NCKAP5: variants seen among roughly 807,000 people sequenced by gnomAD.
NCKAP5 encodes the protein NCK associated protein 5, also known as nck-associated protein 5.
Under a neutral mutation model 167.0 loss-of-function variants are expected in NCKAP5, and 92 were observed. The ratio of observed to expected loss-of-function variants is 0.55; its 90% CI spans 0.47 to 0.66. The LOEUF is 0.66. NCKAP5 is among the 30% of genes least tolerant of loss of function. The pLI is 0.00. For missense variants in NCKAP5, 2,378 were observed against 2,315.0 expected, an observed-to-expected ratio of 1.03 and a Z score of -0.56; for synonymous variants, 891 against 877.4, an observed-to-expected ratio of 1.02 and a Z score of -0.27.
chr2:132,732,818 C>T (rs528859048), intron 16 of NCKAP5, among the ~76,000 whole-genome samples: 67 of 152,310 alleles, frequency 4.4e-4, no homozygotes, highest in African/African-American at 1.6e-3. Context: ...AATCTCTGGC[C>T]TCTTAATTTG....
Position 133,244,119 on chromosome 2 carries a change from T to C in NCKAP5, c.144-30340A>G, listed in dbSNP as rs957623166. Among the ~76,000 whole-genome samples the C allele has an allele frequency of 3.3e-5, 5 of 152,334 alleles. No homozygotes were observed. The East Asian group carries it at 9.6e-4, about 29-fold the overall frequency. ...AGAGATCTATTTCTAGATTTATTCATTGTTTAATTTTTTGAGATTTGTCAT... is the reference window on the plus strand; with the variant it reads ...AGAGATCTATTTCTAGATTTATTCACTGTTTAATTTTTTGAGATTTGTCAT... On this transcript the variant is annotated intron_variant, in intron 4 of 19. Transcript: ENST00000409261.
chr2:133,509,061 C>T (rs1404665103), intron 3 of NCKAP5, among the ~76,000 whole-genome samples: 2 of 152,138 alleles, frequency 1.3e-5, no homozygotes. Flanking sequence ...ACAGGTGTCA[C>T]CCGAGCTCCT....
chr2:133,043,322 T>G (rs2079276898), intron 6 of NCKAP5, among the ~76,000 whole-genome samples: 1 of 152,178 alleles, frequency 6.6e-6, no homozygotes, highest in Non-Finnish European at 1.5e-5. Flanking sequence ...TAATAAATTA[T>G]GCATAGGGTC....
intron 6 of NCKAP5, among the ~76,000 whole-genome samples, chr2:133,023,160 T>C (rs1243939291): frequency 2.6e-5 from 4 of 152,122 alleles, no homozygotes; most frequent in Admixed American, 2.6e-4. Context: ...ACAATCAATG[T>C]GTGTTTTGTT....
chr2:133,287,705 C>G (rs1679252838), intron 4 of NCKAP5, among the ~76,000 whole-genome samples: 1 of 152,082 alleles, frequency 6.6e-6, no homozygotes, highest in Non-Finnish European at 1.5e-5. Flanking sequence ...ATTATGTATA[C>G]TTATATGAAA....
At chr2:133,608,033 T>C in the NCKAP5 span, among the ~76,000 whole-genome samples, 1 of 152,264 alleles carries the variant, frequency 6.6e-6, no homozygotes, top group Non-Finnish European at 1.5e-5. Flanking sequence ...GGGAAACTTT[T>C]TTTAAAAACC....
chr2:133,584,672 G>T, the NCKAP5 span, among the ~76,000 whole-genome samples: 1 of 152,250 alleles, frequency 6.6e-6, no homozygotes, highest in South Asian at 2.1e-4. Context: ...GCTGAGGCAG[G>T]AGAATTGCTT....
intron 12 of NCKAP5, among the ~76,000 whole-genome samples, chr2:132,790,634 G>A (rs1683990856): frequency 6.6e-6 from 1 of 152,158 alleles, no homozygotes. Context: ...TTGTCTGTAT[G>A]GTATGGTATG....
At chr2:132,805,778 T>A (rs1444459092) in intron 11 of NCKAP5, among the ~76,000 whole-genome samples, 1 of 152,126 alleles carries the variant, frequency 6.6e-6, no homozygotes, top group Non-Finnish European at 1.5e-5. Flanking sequence ...TATTTTATTT[T>A]ATTTTTATTT....
the NCKAP5 span, among the ~76,000 whole-genome samples, chr2:133,663,070 T>C: frequency 1.3e-5 from 2 of 151,956 alleles, no homozygotes; most frequent in African/African-American, 4.8e-5. Context: ...ATCGAGACCA[T>C]CCTGGCTAAC....
chr2:132,854,099 A>G (rs564909702), intron 11 of NCKAP5, among the ~76,000 whole-genome samples: 2 of 152,342 alleles, frequency 1.3e-5, no homozygotes, highest in South Asian at 4.1e-4. Context: ...GAGGATTCAA[A>G]GGTCAAAACA....
rs2149484411 is a variant in NCKAP5 at position 133,050,778 on chromosome 2, T to A, written c.342-56539A>T. 1.3e-5 allele frequency among the ~76,000 whole-genome samples: 2 copies of A among 152,326 alleles called. 1 individual carries two copies. The highest frequency in any genetic ancestry group is 2.9e-5 in the Non-Finnish European group (2 of 68,016). ...AGTTTTGTAAAATGTTGACTAACTA[T>A]TTGAGTGATGAACTGAATAAAAGGT... On this transcript the variant is annotated intron_variant, in intron 6 of 19. Coordinates refer to ENST00000409261, the MANE Select transcript of NCKAP5 (RefSeq NM_207363.3).
intron 11 of NCKAP5, among the ~76,000 whole-genome samples, chr2:132,840,901 T>C (rs753637944): frequency 3.9e-5 from 6 of 152,190 alleles, no homozygotes; most frequent in Non-Finnish European, 7.4e-5. Context: ...TGTATATTTA[T>C]TGAAAAAAAA....
rs73958665 is a variant in NCKAP5 at position 133,171,150 on chromosome 2, T to C, written c.208-41039A>G. Among the ~76,000 whole-genome samples, 186 of 152,332 alleles carry C rather than the reference T, an allele frequency of 1.2e-3. 1 individual carries two copies. The highest frequency in any genetic ancestry group is 3.9e-3 in the African/African-American group (164 of 41,578). ...GGAGCATTTTGAGGCAGGGTGCTTT[T>C]GAAGGCATCTCAAGTTATAATAAAA... On this transcript the variant is annotated intron_variant, in intron 5 of 19. Transcript: ENST00000409261.
chr2:132,815,735 C>T (rs941496160), intron 11 of NCKAP5, among the ~76,000 whole-genome samples: 15 of 152,274 alleles, frequency 9.9e-5, no homozygotes, highest in African/African-American at 3.1e-4. Flanking sequence ...AAGCCCAGTG[C>T]ATCATCAAGC....
chr2:132,749,625 C>G (rs550433305), intron 16 of NCKAP5, among the ~76,000 whole-genome samples: 1 of 152,330 alleles, frequency 6.6e-6, no homozygotes, highest in East Asian at 1.9e-4. Flanking sequence ...TACCTGTATT[C>G]ACTCTCTGTA....
At position 133,065,493 on chromosome 2, in the gene NCKAP5, C is replaced by T. The variant is rs180854646; in HGVS notation, c.341+64485G>A. On this transcript the variant is annotated intron_variant, in intron 6 of 19. Coordinates refer to ENST00000409261, the MANE Select transcript of NCKAP5 (RefSeq NM_207363.3). ...TACAAAAATTATCTGGGCATGGTGG[C>T]GCGTGCCTGTAGTCCCAGCTACTTG... Among the ~76,000 whole-genome samples the T allele has an allele frequency of 1.6e-3, 238 of 152,192 alleles. 2 individuals carry two copies. Among genetic ancestry groups the T allele is most frequent in the Non-Finnish European group, 2.7e-3 (185 of 68,000 alleles).
chr2:132,839,419 T>C (rs918976701), intron 11 of NCKAP5, among the ~76,000 whole-genome samples: 1 of 152,214 alleles, frequency 6.6e-6, no homozygotes, highest in African/African-American at 2.4e-5. Flanking sequence ...TAAGTACCGT[T>C]GACTCTTGGT....
chr2:133,546,087 C>T (rs1363195336), intron 2 of NCKAP5, among the ~76,000 whole-genome samples: 1 of 151,786 alleles, frequency 6.6e-6, no homozygotes, highest in African/African-American at 2.4e-5. Context: ...CACACACACC[C>T]CCCACACCCC....
Sources: allele counts gnomAD v4.1 joint callset (sites outside exome capture counted in the v4.1 genomes callset), GRCh38; gene constraint gnomAD v4.1.1; transcripts MANE v1.5; gene names NCBI Gene and HGNC (gene_info 2026-07-23, HGNC 2026-07-21).